Variants in CLVS2 observed in about 807,000 individuals in gnomAD.
The protein encoded by CLVS2 is clavesin-2.
CLVS2 carries 19 observed loss-of-function variants against 29.0 expected under a neutral mutation model. The observed-to-expected ratio is 0.66, with a 90% CI of 0.46 to 0.96. The LOEUF is 0.96. Among genes scored for constraint, CLVS2 ranks in the 40% least tolerant of loss-of-function variants. The pLI, the probability that CLVS2 is intolerant of heterozygous loss-of-function variation, is 0.00. For synonymous variants in CLVS2, 161 were observed against 151.3 expected (o/e 1.06, Z -0.47); for missense variants, 294 against 404.1 (o/e 0.73, Z 2.34).
chr6:123,049,669 A>G (rs190091139), intron 4 of CLVS2, among the ~76,000 whole-genome samples: 174 of 152,196 alleles, frequency 1.1e-3, no homozygotes, highest in African/African-American at 4.0e-3. Flanking sequence ...CTAAATCTAT[A>G]TGGAAGATAA....
At chr6:123,015,224 C>G (rs1323664907) in intron 3 of CLVS2, among the ~76,000 whole-genome samples, 1 of 151,942 alleles carries the variant, frequency 6.6e-6, no homozygotes, top group African/African-American at 2.4e-5. Context: ...AACCCTGGCT[C>G]TATGGCATAA....
At chr6:123,049,999 G>A (rs1772581013) in intron 4 of CLVS2, among the ~76,000 whole-genome samples, 1 of 152,018 alleles carries the variant, frequency 6.6e-6, no homozygotes, top group African/African-American at 2.4e-5. Flanking sequence ...AATGAACAAA[G>A]GGCTTACTGT....
intron 3 of CLVS2, among the ~76,000 whole-genome samples, chr6:123,025,213 C>G (rs1284881114): frequency 2.6e-5 from 4 of 152,000 alleles, no homozygotes; most frequent in African/African-American, 9.7e-5. Flanking sequence ...CATCAATATC[C>G]GGGGACCTGG....
chr6:123,007,420 G>T (rs560008917), intron 2 of CLVS2, among the ~76,000 whole-genome samples: 1 of 152,220 alleles, frequency 6.6e-6, no homozygotes, highest in South Asian at 2.1e-4. Context: ...TAATAGCTGT[G>T]AGTTTTACTT....
At chr6:123,006,109 G>A (rs1360398401) in intron 2 of CLVS2, among the ~76,000 whole-genome samples, 4 of 152,266 alleles carry the variant, frequency 2.6e-5, no homozygotes, top group East Asian at 3.9e-4. Flanking sequence ...GAGAGAGAGG[G>A]CGCTGAGGTC....
intron 3 of CLVS2, among the ~76,000 whole-genome samples, chr6:123,031,076 G>A (rs1333634635): frequency 6.6e-6 from 1 of 151,794 alleles, no homozygotes; most frequent in African/African-American, 2.4e-5. Context: ...GGGAATATGG[G>A]CATGCACCAC....
At chr6:123,009,840 C>A (rs1252001357) in intron 2 of CLVS2, among the ~76,000 whole-genome samples, 1 of 152,074 alleles carries the variant, frequency 6.6e-6, no homozygotes, top group East Asian at 1.9e-4. Flanking sequence ...TTAGCTCTGA[C>A]TGCATTACCT....
Position 123,065,642 on chromosome 6 carries a change from A to G in CLVS2, c.*1881A>G, listed in dbSNP as rs559074311. 2.6e-5 allele frequency: 4 copies of G among 151,852 alleles called. No individual in the cohort carries two copies. The highest frequency in any genetic ancestry group is 5.9e-5 in the Non-Finnish European group (4 of 67,808). The allele number at this position is 151,852 out of a possible 1,614,324, so 9.4% of individuals were successfully genotyped here. A position where few individuals can be genotyped will look rare whatever the true frequency, so the allele number is the denominator to read the frequency against. On this transcript the variant is annotated 3_prime_UTR_variant, in exon 6 of 6. Coordinates refer to ENST00000275162, the MANE Select transcript of CLVS2 (RefSeq NM_001010852.4). ...TCTTACCTTTATAAGAATTCTAACC[A>G]TTGATATTCTTACATTCTTGCCTAC...
At chr6:123,062,520 T>C (rs184944983) in intron 5 of CLVS2, among the ~76,000 whole-genome samples, 1 of 152,232 alleles carries the variant, frequency 6.6e-6, no homozygotes. Context: ...CTATTTAATA[T>C]TGAGATAAAA....
chr6:123,020,163 A>C (rs568051063), intron 3 of CLVS2, among the ~76,000 whole-genome samples: 3 of 152,188 alleles, frequency 2.0e-5, no homozygotes, highest in Admixed American at 6.5e-5. Flanking sequence ...AAATTATCAC[A>C]ATAGCTACAT....
chr6:123,016,060 G>T (rs1774827788), intron 3 of CLVS2, among the ~76,000 whole-genome samples: 2 of 123,466 alleles, frequency 1.6e-5, no homozygotes, highest in Non-Finnish European at 3.3e-5. Context: ...TGGAAAGGGA[G>T]TATTCAGGGT....
chr6:123,013,904 T>C (rs1402748340), intron 3 of CLVS2, among the ~76,000 whole-genome samples: 1 of 150,870 alleles, frequency 6.6e-6, no homozygotes, highest in Non-Finnish European at 1.5e-5. Context: ...AGTGAGAACA[T>C]GCAATGTTTG....
Position 123,011,133 on chromosome 6 carries a change from C to A in CLVS2, c.538C>A (p.Leu180Met). 1 of 1,585,576 alleles carries A rather than the reference C, an allele frequency of 6.3e-7. No homozygotes were observed. The change falls in exon 3 of 6, where the codon CTG becomes ATG. Residue 180 changes from leucine (L) to methionine (M), a missense_variant. Coordinates refer to ENST00000275162, the MANE Select transcript of CLVS2 (RefSeq NM_001010852.4). ...KQASKLTPSM[L>M]RLAIEGLQDS... ...AGCCTCTAAACTCACACCAAGTATG[C>A]TGCGATTAGCTATTGAAGGCCTGCA...
chr6:123,004,098 G>A lies in CLVS2; in HGVS notation c.389+5932G>A, dbSNP rs570381862. Among the ~76,000 whole-genome samples, 5 of 152,220 alleles carry A rather than the reference G, an allele frequency of 3.3e-5. No individual in the cohort carries two copies. The South Asian group carries it at 1.0e-3, about 32-fold the overall frequency. ...TTAAATATAACAAAACAGGCAATTA[G>A]GAACAGAACGTTAAGATGGAAGAAT... On this transcript the variant is annotated intron_variant, in intron 2 of 5. Coordinates refer to ENST00000275162, the MANE Select transcript of CLVS2 (RefSeq NM_001010852.4).
chr6:123,062,013 A>G (rs1772786956), intron 5 of CLVS2, among the ~76,000 whole-genome samples: 1 of 152,226 alleles, frequency 6.6e-6, no homozygotes, highest in Admixed American at 6.5e-5. Context: ...GCTAGAAGTC[A>G]AGACATGAAG....
In CLVS2 at chr6:123,065,138, G is replaced by A. The variant is rs901688357; in HGVS notation, c.*1377G>A. ...TGACAACATGTAATCATTTATACGT[G>A]GATTTAGAAATTTGCATATTTAACA... On this transcript the variant is annotated 3_prime_UTR_variant, in exon 6 of 6. Transcript: ENST00000275162. 6.6e-6 allele frequency: 1 copy of A among 151,496 alleles called. No homozygotes were observed. Among genetic ancestry groups the A allele is most frequent in the African/African-American group, 2.4e-5 (1 of 41,292 alleles). 9.4% of individuals were successfully genotyped at this position (151,496 alleles called of 1,614,324 possible). A position where few individuals can be genotyped will look rare whatever the true frequency, so the allele number is the denominator to read the frequency against.
Position 123,063,996 on chromosome 6 carries a change from A to G in CLVS2, c.*235A>G. 4 of 355,804 alleles carry G rather than the reference A, an allele frequency of 1.1e-5. No homozygotes were observed. The highest frequency in any genetic ancestry group is 2.0e-5 in the Non-Finnish European group (4 of 196,354). 22.0% of individuals were successfully genotyped at this position (355,804 alleles called of 1,614,324 possible). On this transcript the variant is annotated 3_prime_UTR_variant, in exon 6 of 6. Coordinates refer to ENST00000275162, the MANE Select transcript of CLVS2 (RefSeq NM_001010852.4). ...CCAAGTTGTTTGTAAATATAATGTA[A>G]TCTTCATGTCAAGTTTGTAAATTTC...
intron 5 of CLVS2, among the ~76,000 whole-genome samples, chr6:123,060,060 G>A (rs778420348): frequency 4.6e-5 from 7 of 152,306 alleles, no homozygotes; most frequent in South Asian, 2.1e-4. Flanking sequence ...ATGGCAGTTC[G>A]CCATCCAGGA....
At chr6:123,012,278 A>G (rs975797153) in intron 3 of CLVS2, among the ~76,000 whole-genome samples, 18 of 151,954 alleles carry the variant, frequency 1.2e-4, no homozygotes, top group African/African-American at 3.1e-4. Flanking sequence ...ATCATATAGA[A>G]TCAGTCCTAA....
Sources: gnomAD v4.1 joint callset for allele counts (sites outside exome capture counted in the v4.1 genomes callset) on GRCh38, gnomAD v4.1.1 for gene constraint, MANE v1.5 for transcripts, NCBI Gene and HGNC (gene_info 2026-07-23, HGNC 2026-07-21) for gene names.